The following ZNF226 variants were observed in gnomAD, a reference collection of about 807,000 sequenced individuals.
The protein encoded by ZNF226 is zinc finger protein 226.
ZNF226 carries 6 observed loss-of-function variants against 11.4 expected under a neutral mutation model. The ratio of observed to expected loss-of-function variants is 0.53; its 90% confidence interval spans 0.29 to 1.04. The LOEUF is 1.04. Among genes scored for constraint, ZNF226 ranks in the 50% least tolerant of loss-of-function variants. The pLI, the probability that ZNF226 is intolerant of heterozygous loss-of-function variation, is 0.08. For missense variants in ZNF226, 1,058 were observed against 956.5 expected (o/e 1.11, Z -1.40); for synonymous variants, 350 against 322.8 (o/e 1.08, Z -0.90).
In ZNF226 at chr19:44,176,385, G is replaced by A; in HGVS notation, c.1123G>A (p.Ala375Thr). ...GGAGTGTGGGAGGGCCTTCAGTCAG[G>A]CCTCTCATCTTCAGGACCATCAGAG... ...CEECGRAFSQ[A>T]SHLQDHQRLH... Residue 375 changes from alanine to threonine, a missense_variant, in exon 6 of 6, where the codon GCC becomes ACC. By Grantham distance (58) the Ala-to-Thr change is moderately conservative. Coordinates refer to ENST00000337433, the MANE Select transcript of ZNF226 (RefSeq NM_001032373.2). The A allele has an allele frequency of 6.2e-7, 1 of 1,613,854 alleles. No individual in the cohort carries two copies. The highest frequency in any genetic ancestry group is 1.1e-5 in the South Asian group (1 of 91,062).
chr19:44,175,053 A>G, intron 5 of ZNF226: 1 of 1,610,952 alleles, frequency 6.2e-7, no homozygotes, highest in Non-Finnish European at 8.5e-7. Context: ...TGAAGTTAGA[A>G]GAAATGTTGG....
At chr19:44,195,670 G>A in the ZNF226 span, among the ~76,000 whole-genome samples, 3 of 152,168 alleles carry the variant, frequency 2.0e-5, no homozygotes, top group Non-Finnish European at 4.4e-5. Context: ...AAGTATTTTT[G>A]TATGTGTAAG....
intron 2 of ZNF226, among the ~76,000 whole-genome samples, chr19:44,168,118 G>A (rs772931384): frequency 6.6e-6 from 1 of 152,174 alleles, no homozygotes; most frequent in African/African-American, 2.4e-5. Context: ...ATTTCTCTCT[G>A]TGTTACAAGC....
intron 2 of ZNF226, among the ~76,000 whole-genome samples, chr19:44,169,050 C>T (rs1313124718): frequency 1.4e-5 from 2 of 138,934 alleles, no homozygotes; most frequent in African/African-American, 2.8e-5. Flanking sequence ...ACTCAGTCGC[C>T]GAGGCTGGAG....
chr19:44,172,321 G>A, intron 4 of ZNF226, 107 bp downstream of exon 4: 1 of 1,434,280 alleles, frequency 7.0e-7, no homozygotes, highest in African/African-American at 1.4e-5. Flanking sequence ...CCTAATTTTT[G>A]TGGGATGCAG....
intron 5 of ZNF226, 84 bp downstream of exon 5, chr19:44,173,036 C>A: frequency 1.6e-6 from 2 of 1,283,400 alleles, no homozygotes; most frequent in South Asian, 1.3e-5. Flanking sequence ...TCACCTGGTC[C>A]AAATTGCCAA....
At chr19:44,178,679 G>A (rs181648473), downstream of ZNF226, among the ~76,000 whole-genome samples, 80 of 152,238 alleles carry the variant, frequency 5.3e-4, no homozygotes, top group African/African-American at 1.7e-3. Flanking sequence ...AAGTTAGTAT[G>A]TATCAGAATA....
chr19:44,172,464 C>T (rs1970214388), intron 4 of ZNF226: 1 of 418,140 alleles, frequency 2.4e-6, no homozygotes, highest in Admixed American at 4.3e-5. Context: ...ACACCTGTCC[C>T]AGTATTGAAT....
intron 2 of ZNF226, chr19:44,167,910 G>A (rs1969590540): frequency 6.6e-6 from 1 of 152,220 alleles, no homozygotes; most frequent in Admixed American, 6.5e-5. Flanking sequence ...GTTTATGTTA[G>A]ATGAGTTGGG....
downstream of ZNF226, among the ~76,000 whole-genome samples, chr19:44,181,523 C>A (rs1970907024): frequency 6.6e-6 from 1 of 152,102 alleles, no homozygotes; most frequent in Non-Finnish European, 1.5e-5. Context: ...TATCAGGATT[C>A]CTTTGTTTTT....
chr19:44,170,665 C>T (rs778224105), intron 3 of ZNF226, among the ~76,000 whole-genome samples: 9 of 152,114 alleles, frequency 5.9e-5, no homozygotes, highest in Non-Finnish European at 4.4e-5. Flanking sequence ...ACCTGGGAGG[C>T]GGAGCTTGCA....
At chr19:44,165,925 A>G (rs1969316717) in intron 2 of ZNF226, 118 bp downstream of exon 2, 1 of 152,210 alleles carries the variant, frequency 6.6e-6, no homozygotes, top group African/African-American at 2.4e-5. Flanking sequence ...GTTCCATTCT[A>G]AGGGGTTTAT....
downstream of ZNF226, among the ~76,000 whole-genome samples, chr19:44,183,262 ATAAT>A (rs1455479867): frequency 6.6e-6 from 1 of 152,208 alleles, no homozygotes; most frequent in Non-Finnish European, 1.5e-5. Context: ...TAGAGGATGA[ATAAT>A]TAATGAATGT....
At chr19:44,174,920 A>G in intron 5 of ZNF226, 5 of 1,473,554 alleles carry the variant, frequency 3.4e-6, no homozygotes, top group East Asian at 2.3e-5. Context: ...GTGTACCCCT[A>G]CCTCAGGTAC....
rs755612852 is a variant in ZNF226, at chr19:44,177,066, C to G, written c.1804C>G (p.Leu602Val). 6.2e-7 allele frequency: 1 copy of G among 1,613,502 alleles called. No homozygotes were observed. The highest frequency in any genetic ancestry group is 1.7e-5 in the Admixed American group (1 of 59,974). The change falls in exon 6 of 6, where the codon CTT (leucine) becomes GTT (valine). Residue 602 changes from leucine (L) to valine (V), a missense_variant. Coordinates refer to ENST00000337433, the MANE Select transcript of ZNF226 (RefSeq NM_001032373.2). ...CAAGGGATTTAGTCGTAGAGCAGAT[C>G]TTAAAATTCACTGTAGGATCCACAC... ...CGKGFSRRAD[L>V]KIHCRIHTGE... is the part of the protein sequence containing the mutation.
chr19:44,172,760 A>T, intron 4 of ZNF226, 100 bp from the exon 5 acceptor site: 1 of 916,878 alleles, frequency 1.1e-6, no homozygotes, highest in Non-Finnish European at 1.6e-6. Flanking sequence ...TTTGAAAAAC[A>T]CTGCTTTCAG....
At chr19:44,184,008 C>G in the ZNF226 span, among the ~76,000 whole-genome samples, 1 of 152,104 alleles carries the variant, frequency 6.6e-6, no homozygotes, top group Non-Finnish European at 1.5e-5. Context: ...TATAAATTGT[C>G]TCATTGAAGC....
At chr19:44,196,172 T>C in the ZNF226 span, among the ~76,000 whole-genome samples, 6 of 152,188 alleles carry the variant, frequency 3.9e-5, no homozygotes, top group African/African-American at 1.4e-4. Context: ...GGACTACTTT[T>C]AATGAGCAGA....
chr19:44,176,483 A>T lies in ZNF226; in HGVS notation c.1221A>T (p.Gln407His). The change falls in exon 6 of 6, where the codon CAA becomes CAT. Residue 407 changes from glutamine (Q) to histidine (H), a missense_variant. Transcript: ENST00000337433. ...GCTTCAGTCGGAATTCACATCTTCA[A>T]TCCCATCAAAGAGTTCATACAGGAG... The part of the protein sequence containing the change: ...GKSFSRNSHL[Q>H]SHQRVHTGEK... The T allele has an allele frequency of 6.2e-7, 1 of 1,614,026 alleles. No homozygotes were observed. Among genetic ancestry groups the T allele is most frequent in the East Asian group, 2.2e-5 (1 of 44,860 alleles).
Sources: gnomAD v4.1 joint callset for allele counts (sites outside exome capture counted in the v4.1 genomes callset) on GRCh38, gnomAD v4.1.1 for gene constraint, MANE v1.5 for transcripts, NCBI Gene and HGNC (gene_info 2026-07-23, HGNC 2026-07-21) for gene names.